CNTNAP2: variants seen among roughly 807,000 people sequenced by gnomAD.
CNTNAP2 encodes the protein contactin-associated protein-like 2.
Under a neutral mutation model 155.2 loss-of-function variants are expected in CNTNAP2, and 98 were observed. The observed-to-expected ratio is 0.63, with a 90% CI of 0.54 to 0.75. The LOEUF is 0.75. Ranked by LOEUF, CNTNAP2 falls within the 30% of genes least tolerant of loss-of-function variation. CNTNAP2 has a pLI of 0.00. For synonymous variants in CNTNAP2, 651 were observed against 631.2 expected (o/e 1.03, Z -0.47); for missense variants, 1,727 against 1,688.1 (o/e 1.02, Z -0.40).
intron 14 of CNTNAP2, among the ~76,000 whole-genome samples, chr7:147,909,784 G>A (rs145951616): frequency 3.3e-5 from 5 of 152,164 alleles, no homozygotes; most frequent in Non-Finnish European, 5.9e-5. Context: ...CATTCATTGC[G>A]TGAGTACCCT....
At chr7:146,240,716 T>C (rs935676267) in intron 1 of CNTNAP2, among the ~76,000 whole-genome samples, 9 of 152,202 alleles carry the variant, frequency 5.9e-5, no homozygotes, top group Non-Finnish European at 1.2e-4. Context: ...TAATTCTACA[T>C]AAAGTGGTTC....
intron 10 of CNTNAP2, among the ~76,000 whole-genome samples, chr7:147,447,911 T>A (rs957716108): frequency 2.0e-5 from 3 of 152,138 alleles, no homozygotes; most frequent in African/African-American, 7.2e-5. Context: ...TTACAAAAAT[T>A]GTTTCCCACT....
chr7:147,018,598 T>G (rs764840745), intron 3 of CNTNAP2, among the ~76,000 whole-genome samples: 13 of 152,092 alleles, frequency 8.5e-5, no homozygotes, highest in Non-Finnish European at 1.3e-4. Context: ...TGAAATTGTA[T>G]TCACATTTTT....
At chr7:146,509,871 G>A (rs1797440819) in intron 1 of CNTNAP2, among the ~76,000 whole-genome samples, 1 of 152,138 alleles carries the variant, frequency 6.6e-6, no homozygotes, top group Non-Finnish European at 1.5e-5. Context: ...GTGCTTCAGT[G>A]CCTTATCCAT....
intron 8 of CNTNAP2, among the ~76,000 whole-genome samples, chr7:147,231,348 G>A (rs2116617937): frequency 6.6e-6 from 1 of 152,308 alleles, no homozygotes; most frequent in African/African-American, 2.4e-5. Context: ...CACTTAGGTT[G>A]TTTCTATTAC....
At chr7:147,585,809 A>G (rs1800609279) in intron 12 of CNTNAP2, among the ~76,000 whole-genome samples, 1 of 151,932 alleles carries the variant, frequency 6.6e-6, no homozygotes, top group Non-Finnish European at 1.5e-5. Context: ...GTGTGTGTAT[A>G]TATATCTACA....
At chr7:147,433,166 C>A (rs112584497) in intron 10 of CNTNAP2, among the ~76,000 whole-genome samples, 1 of 152,142 alleles carries the variant, frequency 6.6e-6, no homozygotes, top group African/African-American at 2.4e-5. Context: ...TGTGTCGTGA[C>A]GCCTCTTTTA....
intron 11 of CNTNAP2, among the ~76,000 whole-genome samples, chr7:147,522,267 T>G (rs938313996): frequency 6.6e-6 from 1 of 152,228 alleles, no homozygotes; most frequent in East Asian, 1.9e-4. Flanking sequence ...ACGAATATTC[T>G]GACCATAGCA....
chr7:146,609,766 G>A (rs1193168019), intron 1 of CNTNAP2, among the ~76,000 whole-genome samples: 1 of 152,158 alleles, frequency 6.6e-6, no homozygotes, highest in Non-Finnish European at 1.5e-5. Flanking sequence ...GCATTGTTGT[G>A]AGATGTCCAT....
intron 17 of CNTNAP2, among the ~76,000 whole-genome samples, chr7:148,162,907 G>A (rs1805577227): frequency 1.3e-5 from 2 of 152,214 alleles, no homozygotes; most frequent in Non-Finnish European, 2.9e-5. Flanking sequence ...GGCTGAGACA[G>A]GAGGATTGCT....
intron 2 of CNTNAP2, among the ~76,000 whole-genome samples, chr7:146,815,539 CACAT>C (rs1277487104): frequency 6.6e-6 from 1 of 151,972 alleles, no homozygotes; most frequent in African/African-American, 2.4e-5. Flanking sequence ...TATTCATAGA[CACAT>C]ACACATATGT....
intron 1 of CNTNAP2, among the ~76,000 whole-genome samples, chr7:146,287,018 A>G (rs894646335): frequency 3.3e-5 from 5 of 152,200 alleles, no homozygotes; most frequent in Admixed American, 1.3e-4. Flanking sequence ...CAAACAGAAC[A>G]ACCTCAATAA....
intron 9 of CNTNAP2, among the ~76,000 whole-genome samples, chr7:147,321,287 G>A (rs926107968): frequency 1.3e-5 from 2 of 152,136 alleles, no homozygotes; most frequent in East Asian, 3.9e-4. Flanking sequence ...ACAGTGCTGT[G>A]CCCCAGTGTC....
At chr7:147,547,370 A>G (rs1002001997) in intron 11 of CNTNAP2, among the ~76,000 whole-genome samples, 3 of 152,052 alleles carry the variant, frequency 2.0e-5, no homozygotes, top group African/African-American at 7.2e-5. Context: ...GCTCTTCACC[A>G]GCCACTAATG....
At chr7:146,196,490 T>G (rs1019661750) in intron 1 of CNTNAP2, among the ~76,000 whole-genome samples, 1 of 151,660 alleles carries the variant, frequency 6.6e-6, no homozygotes, top group Non-Finnish European at 1.5e-5. Context: ...TTGTTGATTG[T>G]CATCATTTAA....
chr7:146,605,787 T>C lies in CNTNAP2; in HGVS notation c.98-168484T>C, dbSNP rs1012079905. Among the ~76,000 whole-genome samples, 3 of 152,176 alleles carry C rather than the reference T, an allele frequency of 2.0e-5. No homozygotes were observed. The East Asian group carries it at 5.8e-4, about 29-fold the overall frequency. On this transcript the variant is annotated intron_variant, in intron 1 of 23. Coordinates refer to ENST00000361727, the MANE Select transcript of CNTNAP2 (RefSeq NM_014141.6). Reference sequence around the variant, plus strand: ...ATAGTGATACGACTGATATGATTCATCTTTACTGCTGGTGACTAGGCAGAT... The same window carrying C: ...ATAGTGATACGACTGATATGATTCACCTTTACTGCTGGTGACTAGGCAGAT...
At chr7:147,884,331 C>A (rs1799571353) in intron 13 of CNTNAP2, among the ~76,000 whole-genome samples, 1 of 152,148 alleles carries the variant, frequency 6.6e-6, no homozygotes, top group African/African-American at 2.4e-5. Flanking sequence ...GAGTTGAAAT[C>A]AGAGAGGCAG....
intron 8 of CNTNAP2, among the ~76,000 whole-genome samples, chr7:147,291,369 A>G (rs896947388): frequency 6.6e-6 from 1 of 151,922 alleles, no homozygotes; most frequent in African/African-American, 2.4e-5. Context: ...CCCTCCCTGT[A>G]TCTATTTTAT....
Position 146,802,218 on chromosome 7 carries a change from T to C in CNTNAP2, c.208+27837T>C, listed in dbSNP as rs182773310. On this transcript the variant is annotated intron_variant, in intron 2 of 23. Transcript: ENST00000361727. ...GGATGTGTTGGCCGGACTAAGGTAC[T>C]TGGAAGCTCTGGAAACAGTCTCCTT... 5.9e-5 allele frequency among the ~76,000 whole-genome samples: 9 copies of C among 152,256 alleles called. No homozygotes were observed. In the East Asian group the frequency reaches 1.7e-3, roughly 29 times the overall value.
Sources: allele counts gnomAD v4.1 joint callset (sites outside exome capture counted in the v4.1 genomes callset), GRCh38; gene constraint gnomAD v4.1.1; transcripts MANE v1.5; gene names NCBI Gene and HGNC (gene_info 2026-07-23, HGNC 2026-07-21).